Variants in SLC12A7 observed in about 807,000 individuals in gnomAD.
The protein encoded by SLC12A7 is solute carrier family 12 member 7.
SLC12A7 carries 100 observed loss-of-function variants against 120.6 expected under a neutral mutation model. The ratio of observed to expected loss-of-function variants is 0.83; its 90% CI spans 0.71 to 0.98. SLC12A7 has a LOEUF of 0.98. Among genes scored for constraint, SLC12A7 ranks in the 50% least tolerant of loss-of-function variants. The pLI, the probability that SLC12A7 is intolerant of heterozygous loss-of-function variation, is 0.00. For synonymous variants in SLC12A7, 760 were observed against 678.0 expected, an observed-to-expected ratio of 1.12 and a Z score of -1.88; for missense variants, 1,373 against 1,548.1, an observed-to-expected ratio of 0.89 and a Z score of 1.90.
At chr5:1,139,679 G>C in the SLC12A7 span, among the ~76,000 whole-genome samples, 1 of 152,216 alleles carries the variant, frequency 6.6e-6, no homozygotes, top group Non-Finnish European at 1.5e-5. Context: ...GAGTGCACAC[G>C]GCGAGCTTGC....
chr5:1,069,991 GCAGCCCC>G (rs1737498197), intron 17 of SLC12A7, among the ~76,000 whole-genome samples: 1 of 89,270 alleles, frequency 1.1e-5, no homozygotes, highest in Admixed American at 1.1e-4. Flanking sequence ...CACACTTAAC[GCAGCCCC>G]CAGTGAGCCC....
chr5:1,103,390 T>C (rs1362276920), intron 1 of SLC12A7, among the ~76,000 whole-genome samples: 3 of 152,148 alleles, frequency 2.0e-5, no homozygotes, highest in South Asian at 2.1e-4. Context: ...TGGCAAGCTA[T>C]GGCCAGACAC....
chr5:1,153,354 A>G, the SLC12A7 span, among the ~76,000 whole-genome samples: 2 of 152,252 alleles, frequency 1.3e-5, no homozygotes, highest in African/African-American at 2.4e-5. Flanking sequence ...CCATGCCCAC[A>G]TGAATGTGCA....
chr5:1,069,739 C>T (rs867113255), intron 17 of SLC12A7, among the ~76,000 whole-genome samples: 4 of 152,180 alleles, frequency 2.6e-5, no homozygotes, highest in Admixed American at 6.5e-5. Flanking sequence ...CGTGACGTGA[C>T]GTGATGGGAC....
chr5:1,100,829 A>G (rs897793553), intron 1 of SLC12A7, among the ~76,000 whole-genome samples: 11 of 152,228 alleles, frequency 7.2e-5, no homozygotes, highest in African/African-American at 2.7e-4. Flanking sequence ...GTCACAGCCA[A>G]GAGGAGCCCG....
At chr5:1,108,087 T>C (rs1210914306) in intron 1 of SLC12A7, among the ~76,000 whole-genome samples, 1 of 151,996 alleles carries the variant, frequency 6.6e-6, no homozygotes, top group Admixed American at 6.5e-5. Context: ...ACAGTACACA[T>C]GTATGCACAC....
At chr5:1,054,288 G>A (rs531825137) in intron 22 of SLC12A7, among the ~76,000 whole-genome samples, 4 of 152,376 alleles carry the variant, frequency 2.6e-5, no homozygotes, top group Non-Finnish European at 5.9e-5. Context: ...GCTGTGGCCG[G>A]TCCATGTCTC....
the SLC12A7 span, among the ~76,000 whole-genome samples, chr5:1,138,891 C>T: frequency 6.6e-6 from 1 of 152,348 alleles, no homozygotes; most frequent in Admixed American, 6.5e-5. Context: ...TCTACCAGGT[C>T]CTTAACACAT....
chr5:1,073,488 A>G lies in SLC12A7; in HGVS notation c.2241+145T>C. ...TCCCAGGCCTTAGCGCGCTGCTCTG[A>G]GCTCAAAGCCACCGCCACGGCTAAA... is the stretch of plus-strand genomic sequence containing the variant. On this transcript the variant is annotated intron_variant, in intron 17 of 23. Transcript: ENST00000264930. 3 of 922,666 alleles carry G rather than the reference A, an allele frequency of 3.3e-6. No homozygotes were observed. The South Asian group carries it at 6.1e-5, about 19-fold the overall frequency. 57.2% of individuals were successfully genotyped at this position (922,666 alleles called of 1,614,324 possible).
At chr5:1,138,254 C>T in the SLC12A7 span, among the ~76,000 whole-genome samples, 4 of 152,184 alleles carry the variant, frequency 2.6e-5, no homozygotes, top group Non-Finnish European at 4.4e-5. Context: ...CACCCACTGC[C>T]GGCGGGGTGG....
At chr5:1,052,511 G>C in intron 23 of SLC12A7, 60 bp from the exon 24 acceptor site, 2 of 1,372,868 alleles carry the variant, frequency 1.5e-6, no homozygotes, top group Non-Finnish European at 2.1e-6. Context: ...AGCTGAAATC[G>C]TGATAGGAGT....
chr5:1,140,586 G>A, the SLC12A7 span, among the ~76,000 whole-genome samples: 5 of 152,222 alleles, frequency 3.3e-5, no homozygotes. Context: ...GGTTCAGGAC[G>A]GTGCCAGCAT....
the SLC12A7 span, among the ~76,000 whole-genome samples, chr5:1,144,148 G>A: frequency 4.6e-5 from 7 of 152,092 alleles, no homozygotes; most frequent in African/African-American, 1.4e-4. Context: ...GGGAGAGGAC[G>A]TGGACGCACC....
chr5:1,115,698 CCTT>C (rs1033494269), upstream of SLC12A7, among the ~76,000 whole-genome samples: 1 of 152,150 alleles, frequency 6.6e-6, no homozygotes, highest in African/African-American at 2.4e-5. Context: ...GCCCCACACT[CCTT>C]CTCACCAGAA....
Position 1,111,961 on chromosome 5 carries a change from C to A in SLC12A7, c.31G>T (p.Glu11Ter). ...TCCCCGCCGCCGTCGGCGTGAGCCTCCACGGGCACCACGGTGAAGTTGGTG... is the reference window on the plus strand; with the variant it reads ...TCCCCGCCGCCGTCGGCGTGAGCCTACACGGGCACCACGGTGAAGTTGGTG... MPTNFTVVPV[E>*]AHADGGGDET... is the part of the protein sequence containing the mutation. Residue 11 changes from glutamate to a stop codon, truncating the protein, a stop_gained, in exon 1 of 24, where the codon GAG becomes TAG. Coordinates refer to ENST00000264930, the MANE Select transcript of SLC12A7 (RefSeq NM_006598.3). LOFTEE classifies it high-confidence loss of function. 1 of 1,290,922 alleles carries A rather than the reference C, an allele frequency of 7.7e-7. No individual in the cohort carries two copies. Among genetic ancestry groups the A allele is most frequent in the Non-Finnish European group, 9.8e-7 (1 of 1,019,566 alleles). 80.0% of individuals were successfully genotyped at this position (1,290,922 alleles called of 1,614,324 possible).
chr5:1,130,781 G>T, the SLC12A7 span, among the ~76,000 whole-genome samples: 1 of 152,236 alleles, frequency 6.6e-6, no homozygotes, highest in Admixed American at 6.5e-5. Context: ...TGGGCGGGTG[G>T]TGGGAGGGTG....
chr5:1,120,253 A>G, the SLC12A7 span, among the ~76,000 whole-genome samples: 1 of 152,254 alleles, frequency 6.6e-6, no homozygotes, highest in African/African-American at 2.4e-5. Context: ...GACGCTCTCA[A>G]GGGCAGGGGA....
chr5:1,063,336 A>C (rs1361575134), intron 20 of SLC12A7, among the ~76,000 whole-genome samples: 1 of 152,142 alleles, frequency 6.6e-6, no homozygotes, highest in Non-Finnish European at 1.5e-5. Context: ...AGAGCACCCA[A>C]AACGGGAGGT....
At chr5:1,100,598 C>G (rs917016304) in intron 1 of SLC12A7, among the ~76,000 whole-genome samples, 1 of 152,232 alleles carries the variant, frequency 6.6e-6, no homozygotes, top group Non-Finnish European at 1.5e-5. Context: ...AGGAAGACGG[C>G]GCCCTCGGGG....
Sources: allele counts gnomAD v4.1 joint callset (sites outside exome capture counted in the v4.1 genomes callset), GRCh38; gene constraint gnomAD v4.1.1; transcripts MANE v1.5; gene names NCBI Gene and HGNC (gene_info 2026-07-23, HGNC 2026-07-21).